The following PMM2 variants were observed in gnomAD, a reference collection of about 807,000 sequenced individuals.
PMM2 encodes the protein phosphomannomutase 2.
A neutral mutation model predicts 33.2 loss-of-function variants in PMM2; 35 were observed. The observed-to-expected ratio is 1.06, with a 90% CI of 0.81 to 1.40. The LOEUF is 1.40. Among genes scored for constraint, PMM2 ranks in the 40% most tolerant of loss-of-function variants. PMM2 has a pLI of 0.00. For missense variants in PMM2, 386 were observed against 306.0 expected (o/e 1.26, Z -1.95); for synonymous variants, 153 against 114.7 (o/e 1.33, Z -2.13).
chr16:8,817,871 T>G (rs2060716668), intron 7 of PMM2, among the ~76,000 whole-genome samples: 1 of 151,946 alleles, frequency 6.6e-6, no homozygotes, highest in South Asian at 2.1e-4. Context: ...CGTATTTTAT[T>G]TTTATCATAT....
chr16:8,818,022 T>G (rs2141027604), intron 7 of PMM2, among the ~76,000 whole-genome samples: 1 of 151,708 alleles, frequency 6.6e-6, no homozygotes, highest in East Asian at 1.9e-4. Flanking sequence ...TCCTGCCTCA[T>G]CCTCCCGAGT....
intron 7 of PMM2, among the ~76,000 whole-genome samples, chr16:8,834,822 AATATG>A (rs1410151997): frequency 6.6e-6 from 1 of 152,114 alleles, no homozygotes; most frequent in African/African-American, 2.4e-5. Context: ...GAAAGAAGGA[AATATG>A]GGGAAATGGG....
At chr16:8,804,036 T>TTTTG (rs1567157583) in intron 2 of PMM2, among the ~76,000 whole-genome samples, 3 of 121,358 alleles carry the variant, frequency 2.5e-5, no homozygotes, top group Non-Finnish European at 3.5e-5. Context: ...TTTTTGTTTT[T>TTTTG]TTTTTTTTTT....
intron 7 of PMM2, among the ~76,000 whole-genome samples, chr16:8,817,140 GT>G (rs1409860593): frequency 6.6e-6 from 1 of 152,232 alleles, no homozygotes; most frequent in Non-Finnish European, 1.5e-5. Context: ...TCTCAGTGGG[GT>G]AGAAAGATCT....
chr16:8,810,176 T>C (rs965044929), intron 4 of PMM2: 2 of 152,212 alleles, frequency 1.3e-5, no homozygotes, highest in Non-Finnish European at 2.9e-5. Flanking sequence ...TCATTTTCTG[T>C]GATCAAATCA....
intron 7 of PMM2, among the ~76,000 whole-genome samples, chr16:8,814,054 A>G (rs2060693096): frequency 1.3e-5 from 2 of 151,798 alleles, no homozygotes; most frequent in African/African-American, 4.8e-5. Flanking sequence ...TTTAGTAGAG[A>G]TAGGGTTTTA....
chr16:8,833,159 G>A (rs1249869071), intron 7 of PMM2, among the ~76,000 whole-genome samples: 1 of 152,194 alleles, frequency 6.6e-6, no homozygotes, highest in African/African-American at 2.4e-5. Context: ...AAGGGTGGTG[G>A]ATTATCATTA....
At chr16:8,834,616 G>C (rs1396673112) in intron 7 of PMM2, among the ~76,000 whole-genome samples, 1 of 152,136 alleles carries the variant, frequency 6.6e-6, no homozygotes, top group African/African-American at 2.4e-5. Context: ...AATCCCTGAG[G>C]AGTAGTAGAA....
At chr16:8,804,870 A>G (rs768678631) in intron 3 of PMM2, 27 bp downstream of exon 3, 12 of 1,392,788 alleles carry the variant, frequency 8.6e-6, no homozygotes, top group African/African-American at 1.4e-5. Context: ...CTGAATTACT[A>G]TATACTATTA....
intron 7 of PMM2, among the ~76,000 whole-genome samples, chr16:8,833,599 C>T (rs3969468): frequency 3.7e-3 from 566 of 151,214 alleles, no homozygotes; most frequent in Middle Eastern, 0.02. Context: ...GGATTAGGGG[C>T]GGCGTGGGAA....
chr16:8,827,331 AG>A (rs1169446975), intron 7 of PMM2, among the ~76,000 whole-genome samples: 3 of 151,516 alleles, frequency 2.0e-5, no homozygotes, highest in African/African-American at 7.3e-5. Context: ...CATTCCTCGA[AG>A]AAAAAAAAAA....
At chr16:8,819,711 CAAT>C (rs1305299901) in intron 7 of PMM2, among the ~76,000 whole-genome samples, 1 of 140,418 alleles carries the variant, frequency 7.1e-6, no homozygotes, top group African/African-American at 2.6e-5. Context: ...AAAAAAAAAA[CAAT>C]AAAAATTAAA....
rs376754460 is a variant in PMM2, at chr16:8,801,859, G to T, written c.127G>T (p.Val43Leu). The T allele has an allele frequency of 2.5e-6, 4 of 1,612,436 alleles. No individual in the cohort carries two copies. Among genetic ancestry groups the T allele is most frequent in the Admixed American group, 1.7e-5 (1 of 59,990 alleles). The change falls in exon 2 of 8, where the codon GTG becomes TTG. Residue 43 changes from valine to leucine, a missense_variant. Transcript: ENST00000268261. ...ATTGAGGCAGAAGATCAAAATCGGA[G>T]TGGTAGGCGGATCGGACTTTGAGAA... is the stretch of plus-strand genomic sequence containing the variant. ...QKLRQKIKIG[V>L]VGGSDFEKVQ...
intron 1 of PMM2, among the ~76,000 whole-genome samples, chr16:8,799,409 C>G (rs988692979): frequency 1.3e-5 from 2 of 152,202 alleles, no homozygotes; most frequent in African/African-American, 2.4e-5. Flanking sequence ...ACACAGCCAA[C>G]CTGGTACAAG....
chr16:8,838,177 C>T (rs1258357431), intron 7 of PMM2, among the ~76,000 whole-genome samples: 1 of 151,976 alleles, frequency 6.6e-6, no homozygotes, highest in Non-Finnish European at 1.5e-5. Context: ...AAAGTACATT[C>T]TCAAGAGTGG....
At chr16:8,832,567 C>T in intron 7 of PMM2, 2 of 985,408 alleles carry the variant, frequency 2.0e-6, no homozygotes, top group Non-Finnish European at 2.4e-6. Context: ...AGCATAAACC[C>T]TTTTTGCTTC....
At chr16:8,801,395 T>C (rs1328915896) in intron 1 of PMM2, among the ~76,000 whole-genome samples, 3 of 152,176 alleles carry the variant, frequency 2.0e-5, no homozygotes, top group Non-Finnish European at 4.4e-5. Context: ...ATAAGGCTTA[T>C]AGACCTGGCT....
Position 8,848,469 on chromosome 16 carries a change from G to C in PMM2, c.*644G>C, listed in dbSNP as rs1024265684. The C allele has an allele frequency of 1.9e-5, 3 of 156,636 alleles. No individual in the cohort carries two copies. The highest frequency in any genetic ancestry group is 7.2e-5 in the African/African-American group (3 of 41,478). The allele number at this position is 156,636 out of a possible 1,614,324, so 9.7% of individuals were successfully genotyped here. On this transcript the variant is annotated 3_prime_UTR_variant, in exon 8 of 8. Coordinates refer to ENST00000268261, the MANE Select transcript of PMM2 (RefSeq NM_000303.3). ...GCTGGCCAAGTGGGAGCAGACCCTA[G>C]GGAGTTTGCACCTCGGCTGGGCCGG...
chr16:8,800,543 A>G (rs965642336), intron 1 of PMM2, among the ~76,000 whole-genome samples: 1 of 152,164 alleles, frequency 6.6e-6, no homozygotes, highest in African/African-American at 2.4e-5. Flanking sequence ...TTATACCACT[A>G]AGACCACTCT....
Sources: gnomAD v4.1 joint callset for allele counts (sites outside exome capture counted in the v4.1 genomes callset) on GRCh38, gnomAD v4.1.1 for gene constraint, MANE v1.5 for transcripts, NCBI Gene and HGNC (gene_info 2026-07-23, HGNC 2026-07-21) for gene names.